CST11: variants seen among roughly 807,000 people sequenced by gnomAD.
CST11 encodes the protein cystatin-11.
In CST11, 13 loss-of-function variants were observed where a neutral mutation model predicts 14.0. The ratio of observed to expected loss-of-function variants is 0.93; its 90% CI spans 0.60 to 1.47. The LOEUF (loss-of-function observed/expected upper bound fraction) is 1.47. Ranked by LOEUF, CST11 falls within the 40% of genes most tolerant of loss-of-function variation. The pLI, the probability that CST11 is intolerant of heterozygous loss-of-function variation, is 0.00. For missense variants in CST11, 181 were observed against 160.0 expected, an observed-to-expected ratio of 1.13 and a Z score of -0.71; for synonymous variants, 64 against 57.8, an observed-to-expected ratio of 1.11 and a Z score of -0.48.
At chr20:23,451,706 C>G (rs1413272831) in intron 2 of CST11, 110 bp downstream of exon 2, 7 of 780,998 alleles carry the variant, frequency 9.0e-6, no homozygotes, top group Non-Finnish European at 1.5e-5. Flanking sequence ...GCATTCTTTT[C>G]AAGCCAGCTT....
intron 2 of CST11, among the ~76,000 whole-genome samples, chr20:23,450,914 T>C (rs1256068400): frequency 6.6e-6 from 1 of 152,212 alleles, no homozygotes; most frequent in African/African-American, 2.4e-5. Context: ...TTATTTGTCC[T>C]CTCTTGGCTC....
chr20:23,450,694 T>TC, intron 2 of CST11, 105 bp from the exon 3 acceptor site: 1 of 680,680 alleles, frequency 1.5e-6, no homozygotes, highest in African/African-American at 1.8e-5. Context: ...CTACCACCTC[T>TC]CCACCCCTAC....
At chr20:23,450,698 C>A (rs1163190069) in intron 2 of CST11, 109 bp from the exon 3 acceptor site, 3 of 622,378 alleles carry the variant, frequency 4.8e-6, no homozygotes, top group Non-Finnish European at 8.2e-6. Context: ...CACCTCTCCA[C>A]CCCTACAATC....
chr20:23,451,698 A>C, intron 2 of CST11, 118 bp downstream of exon 2: 2 of 706,488 alleles, frequency 2.8e-6, no homozygotes, highest in Non-Finnish European at 4.8e-6. Context: ...TTACCCATGC[A>C]TTCTTTTCAA....
At position 23,452,613 on chromosome 20, in the gene CST11, T is replaced by A. The variant is rs201830326; in HGVS notation, c.199A>T (p.Ile67Phe). 23 of 1,613,384 alleles carry A rather than the reference T, an allele frequency of 1.4e-5. No individual in the cohort carries two copies. The African/African-American group carries it at 1.7e-4, about 12-fold the overall frequency. Residue 67 changes from isoleucine to phenylalanine, a missense_variant, in exon 1 of 3, where the codon ATC becomes TTC. Ile to Phe is a conservative substitution (Grantham distance 21). Transcript: ENST00000377009. ...CTCTGGACTTTAAGGACTCGGAAGA[T>A]CCTGAAGTGGTACTTGTCATCACTT... ...KESDDKYHFR[I>F]FRVLKVQRQV...
At chr20:23,452,161 G>A (rs1452447856) in intron 1 of CST11, among the ~76,000 whole-genome samples, 1 of 152,222 alleles carries the variant, frequency 6.6e-6, no homozygotes, top group Admixed American at 6.5e-5. Flanking sequence ...GGTAATGCAA[G>A]TGACGCTAGT....
chr20:23,451,958 C>T (rs1019897610), intron 1 of CST11, 38 bp from the exon 2 acceptor site: 7 of 1,497,146 alleles, frequency 4.7e-6, no homozygotes, highest in Non-Finnish European at 6.5e-6. Context: ...CAGCTTGTCC[C>T]CTTCTCCCCT....
At position 23,451,673 on chromosome 20, in the gene CST11, C is replaced by T. The variant is rs115136525; in HGVS notation, c.333+143G>A. On this transcript the variant is annotated intron_variant, in intron 2 of 2. Coordinates refer to ENST00000377009, the MANE Select transcript of CST11 (RefSeq NM_130794.2). Reference sequence around the variant, plus strand: ...CTGTCTCCACCTTTGCTTTCCCTCTCTGAGGAAGGAGGTGTTACCCATGCA... The same window carrying T: ...CTGTCTCCACCTTTGCTTTCCCTCTTTGAGGAAGGAGGTGTTACCCATGCA... 2,110 of 577,038 alleles carry T rather than the reference C, an allele frequency of 3.7e-3. 39 individuals are homozygous for T. In the African/African-American group the frequency reaches 0.037, roughly 10 times the overall value. The allele number at this position is 577,038 out of a possible 1,614,324, so 35.7% of individuals were successfully genotyped here.
chr20:23,451,713 G>T, intron 2 of CST11, 103 bp downstream of exon 2: 1 of 830,440 alleles, frequency 1.2e-6, no homozygotes, highest in Non-Finnish European at 1.9e-6. Flanking sequence ...TTTCAAGCCA[G>T]CTTGAGTAAA....
chr20:23,451,736 C>A (rs940284098), intron 2 of CST11, 80 bp downstream of exon 2: 6 of 1,017,018 alleles, frequency 5.9e-6, no homozygotes, highest in Middle Eastern at 4.3e-4. Flanking sequence ...CCAATTAATT[C>A]TTCCCAACTC....
In CST11 at chr20:23,450,443, G is replaced by T. The variant is rs768594466; in HGVS notation, c.*63C>A. The stretch of plus-strand genomic sequence containing the variant: ...GACAAACATTTATTGCCTATATTAA[G>T]GATTATTGCCCATTGCAGGATTCTC... On this transcript the variant is annotated 3_prime_UTR_variant, in exon 3 of 3. Transcript: ENST00000377009. 4.0e-5 allele frequency: 41 copies of T among 1,018,084 alleles called. No individual in the cohort carries two copies. Among genetic ancestry groups the T allele is most frequent in the Non-Finnish European group, 5.6e-5 (38 of 679,356 alleles). The allele number at this position is 1,018,084 out of a possible 1,614,324, so 63.1% of individuals were successfully genotyped here. A position where few individuals can be genotyped will look rare whatever the true frequency, so the allele number is the denominator to read the frequency against.
In CST11 at chr20:23,450,476, C is replaced by G. The variant is rs779287905; in HGVS notation, c.*30G>C. 8 of 1,456,290 alleles carry G rather than the reference C, an allele frequency of 5.5e-6. No individual in the cohort carries two copies. The highest frequency in any genetic ancestry group is 9.5e-7 in the Non-Finnish European group (1 of 1,056,986). The allele number at this position is 1,456,290 out of a possible 1,614,324, so 90.2% of individuals were successfully genotyped here. Reference sequence around the variant, plus strand: ...GCCCATTGCAGGATTCTCTCACATGCAGTGGCCGCAGTTGTACACTCCAGG... The same window carrying G: ...GCCCATTGCAGGATTCTCTCACATGGAGTGGCCGCAGTTGTACACTCCAGG... On this transcript the variant is annotated 3_prime_UTR_variant, in exon 3 of 3. Coordinates refer to ENST00000377009, the MANE Select transcript of CST11 (RefSeq NM_130794.2).
At chr20:23,451,437 A>C (rs1987085936) in intron 2 of CST11, among the ~76,000 whole-genome samples, 1 of 152,200 alleles carries the variant, frequency 6.6e-6, no homozygotes, top group African/African-American at 2.4e-5. Flanking sequence ...AGAGGACAGG[A>C]GCCCAGCACT....
chr20:23,452,566 G>A lies in CST11; in HGVS notation c.228+18C>T, dbSNP rs376160247. On this transcript the variant is annotated intron_variant, in intron 1 of 2. Transcript: ENST00000377009. Reference sequence around the variant, plus strand: ...GGGCGTATCAGGCCTGGGGAGAGGCGGGAAGTCATACACTCACCTGCCTCT... The same window carrying A: ...GGGCGTATCAGGCCTGGGGAGAGGCAGGAAGTCATACACTCACCTGCCTCT... 2.4e-4 allele frequency: 365 copies of A among 1,507,728 alleles called. No homozygotes were observed. The highest frequency in any genetic ancestry group is 2.2e-3 in the Middle Eastern group (13 of 5,870). The allele number at this position is 1,507,728 out of a possible 1,614,324, so 93.4% of individuals were successfully genotyped here. A position where few individuals can be genotyped will look rare whatever the true frequency, so the allele number is the denominator to read the frequency against.
At chr20:23,451,749 T>C in intron 2 of CST11, 67 bp downstream of exon 2, 1 of 1,186,202 alleles carries the variant, frequency 8.4e-7, no homozygotes. Context: ...CCCAACTCAT[T>C]CTAAAGCCAC....
chr20:23,452,794 C>A lies in CST11; in HGVS notation c.18G>T (p.Trp6Cys), dbSNP rs1428821269. The A allele has an allele frequency of 6.2e-7, 1 of 1,613,506 alleles. No individual in the cohort carries two copies. The highest frequency in any genetic ancestry group is 1.3e-5 in the African/African-American group (1 of 74,910). MMAEP[W>C]QALQLLLAIL... ...TGGCCAACAGGAGCTGTAGGGCCTG[C>A]CAGGGCTCAGCCATCATCCTTCAGC... The change falls in exon 1 of 3, where the codon TGG becomes TGT. Residue 6 changes from tryptophan (W) to cysteine (C), a missense_variant. Coordinates refer to ENST00000377009, the MANE Select transcript of CST11 (RefSeq NM_130794.2).
chr20:23,451,975 G>T, intron 1 of CST11, 55 bp from the exon 2 acceptor site: 1 of 1,392,690 alleles, frequency 7.2e-7, no homozygotes, highest in Non-Finnish European at 1.0e-6. Flanking sequence ...CCCTGTCTGC[G>T]GTTTCTGTGC....
In CST11 at chr20:23,451,796, A is replaced by G. The variant is rs889838116; in HGVS notation, c.333+20T>C. ...ACTGAAAAGGACTTCTGTCTACGTTAAAGTGCTTTTACCCAATACCTTGTG... is the reference window on the plus strand; with the variant it reads ...ACTGAAAAGGACTTCTGTCTACGTTGAAGTGCTTTTACCCAATACCTTGTG... On this transcript the variant is annotated intron_variant, in intron 2 of 2. Transcript: ENST00000377009. 3.3e-5 allele frequency: 52 copies of G among 1,578,024 alleles called. No individual in the cohort carries two copies. The highest frequency in any genetic ancestry group is 3.9e-5 in the Non-Finnish European group (45 of 1,149,164).
chr20:23,452,668 C>T lies in CST11; in HGVS notation c.144G>A (p.Leu48=). Residue 48 remains leucine (L), a synonymous_variant, in exon 1 of 3, where the codon TTG becomes TTA. Coordinates refer to ENST00000377009, the MANE Select transcript of CST11 (RefSeq NM_130794.2). ...MAVENYAKDS[L]QWITDQYNKE... The stretch of plus-strand genomic sequence containing the variant: ...TGTTATACTGGTCGGTGATCCACTG[C>T]AAGCTGTCCTTCGCATAGTTTTCTA... The T allele has an allele frequency of 6.2e-7, 1 of 1,614,124 alleles. No homozygotes were observed. Among genetic ancestry groups the T allele is most frequent in the Non-Finnish European group, 8.5e-7 (1 of 1,179,980 alleles).
Sources: allele counts gnomAD v4.1 joint callset (sites outside exome capture counted in the v4.1 genomes callset), GRCh38; gene constraint gnomAD v4.1.1; transcripts MANE v1.5; gene names NCBI Gene and HGNC (gene_info 2026-07-23, HGNC 2026-07-21).